The following ASIC2 variants were observed in gnomAD, a reference collection of about 807,000 sequenced individuals.
ASIC2 encodes the protein acid-sensing ion channel 2.
ASIC2 carries 25 observed loss-of-function variants against 57.3 expected under a neutral mutation model. That is an observed-to-expected ratio of 0.44 (90% CI 0.32 to 0.61). The LOEUF (loss-of-function observed/expected upper bound fraction) is 0.61, where lower values mean the gene tolerates loss of function less well. Among genes scored for constraint, ASIC2 ranks in the 20% least tolerant of loss-of-function variants. The pLI is 0.06. For missense variants in ASIC2, 641 were observed against 738.1 expected, an observed-to-expected ratio of 0.87 and a Z score of 1.52; for synonymous variants, 319 against 307.5, an observed-to-expected ratio of 1.04 and a Z score of -0.39.
At chr17:33,711,171 A>T (rs979916011) in intron 1 of ASIC2, among the ~76,000 whole-genome samples, 2 of 152,194 alleles carry the variant, frequency 1.3e-5, no homozygotes, top group African/African-American at 2.4e-5. Context: ...TTGAAGGTGC[A>T]GCGGGGCACC....
intron 1 of ASIC2, among the ~76,000 whole-genome samples, chr17:33,437,911 A>C (rs1293821851): frequency 6.6e-6 from 1 of 152,224 alleles, no homozygotes. Flanking sequence ...TGAAGAGATT[A>C]TCCAATGACT....
intron 1 of ASIC2, among the ~76,000 whole-genome samples, chr17:33,961,878 C>T (rs973864471): frequency 1.3e-4 from 20 of 152,142 alleles, no homozygotes; most frequent in Admixed American, 1.3e-4. Context: ...CAAACTGTAG[C>T]CCTGGGAAGA....
At chr17:33,861,258 A>G (rs1287640571) in intron 1 of ASIC2, among the ~76,000 whole-genome samples, 1 of 152,236 alleles carries the variant, frequency 6.6e-6, no homozygotes, top group Non-Finnish European at 1.5e-5. Context: ...GGAATTTCGA[A>G]TAACGTAGAA....
chr17:33,566,882 A>G (rs1319238118), intron 1 of ASIC2, among the ~76,000 whole-genome samples: 1 of 151,832 alleles, frequency 6.6e-6, no homozygotes, highest in Non-Finnish European at 1.5e-5. Context: ...ACTCCTCTAC[A>G]CATGCCACAT....
chr17:33,401,555 ACT>A (rs1378451362), intron 1 of ASIC2, among the ~76,000 whole-genome samples: 1 of 152,012 alleles, frequency 6.6e-6, no homozygotes, highest in African/African-American at 2.4e-5. Flanking sequence ...CTCAGCTCTA[ACT>A]CTGCAAGTTT....
chr17:33,964,166 C>T (rs1905007869), intron 1 of ASIC2, among the ~76,000 whole-genome samples: 1 of 152,208 alleles, frequency 6.6e-6, no homozygotes, highest in Non-Finnish European at 1.5e-5. Context: ...CATTGGCTGG[C>T]ATGAACGTGT....
chr17:33,809,770 A>G (rs938124427), intron 1 of ASIC2, among the ~76,000 whole-genome samples: 1 of 152,244 alleles, frequency 6.6e-6, no homozygotes, highest in East Asian at 1.9e-4. Context: ...AATTTTATTT[A>G]GTGCATGAAT....
chr17:33,532,376 A>G (rs1915079020), intron 1 of ASIC2, among the ~76,000 whole-genome samples: 1 of 152,238 alleles, frequency 6.6e-6, no homozygotes, highest in South Asian at 2.1e-4. Context: ...ACAAATAATT[A>G]TAAAATAAAA....
chr17:33,939,191 C>A (rs1813728586), intron 1 of ASIC2, among the ~76,000 whole-genome samples: 1 of 152,194 alleles, frequency 6.6e-6, no homozygotes, highest in African/African-American at 2.4e-5. Flanking sequence ...TATAAGCTTC[C>A]TTAAATATCA....
At chr17:33,330,657 C>T (rs63954) in intron 1 of ASIC2, among the ~76,000 whole-genome samples, 31,396 of 152,058 alleles carry the variant, frequency 0.21, 3,536 homozygotes, top group South Asian at 0.36. Context: ...CTCCTTTTTC[C>T]TATCCTTGCT....
At chr17:33,039,135 C>T (rs1156394181) in intron 3 of ASIC2, among the ~76,000 whole-genome samples, 4 of 152,214 alleles carry the variant, frequency 2.6e-5, no homozygotes, top group South Asian at 2.1e-4. Flanking sequence ...AGATATCCAC[C>T]TGGCTCACCT....
chr17:33,406,447 T>G (rs1218854766), intron 1 of ASIC2, among the ~76,000 whole-genome samples: 1 of 152,210 alleles, frequency 6.6e-6, no homozygotes, highest in Non-Finnish European at 1.5e-5. Context: ...AGGTTCTGAT[T>G]GCTCTTTCTT....
At chr17:33,620,500 A>G (rs1470875063) in intron 1 of ASIC2, among the ~76,000 whole-genome samples, 1 of 152,212 alleles carries the variant, frequency 6.6e-6, no homozygotes, top group East Asian at 1.9e-4. Flanking sequence ...TGCTTTGTGC[A>G]GTGTTTTCTG....
chr17:33,735,391 G>T (rs889470650), intron 1 of ASIC2, among the ~76,000 whole-genome samples: 1 of 152,138 alleles, frequency 6.6e-6, no homozygotes, highest in Non-Finnish European at 1.5e-5. Flanking sequence ...ATTAGGAAAG[G>T]TTCACTGTAT....
At chr17:33,804,631 C>T (rs999121732) in intron 1 of ASIC2, among the ~76,000 whole-genome samples, 8 of 152,186 alleles carry the variant, frequency 5.3e-5, no homozygotes, top group Non-Finnish European at 1.2e-4. Context: ...CACCTTTGAA[C>T]GATGCCTTTC....
chr17:33,704,193 G>T (rs1908793389), intron 1 of ASIC2, among the ~76,000 whole-genome samples: 1 of 152,190 alleles, frequency 6.6e-6, no homozygotes, highest in Non-Finnish European at 1.5e-5. Flanking sequence ...TTCTCCTGAA[G>T]AGAGCATGCA....
intron 1 of ASIC2, among the ~76,000 whole-genome samples, chr17:33,608,218 C>G (rs1905275964): frequency 6.6e-6 from 1 of 152,108 alleles, no homozygotes; most frequent in African/African-American, 2.4e-5. Context: ...TCTCCACGTT[C>G]CCATGAGAAG....
intron 1 of ASIC2, among the ~76,000 whole-genome samples, chr17:33,464,245 C>G (rs1264169744): frequency 6.6e-6 from 1 of 152,188 alleles, no homozygotes; most frequent in Non-Finnish European, 1.5e-5. Flanking sequence ...GAGGTGCTCC[C>G]TATTTCTGGC....
At chr17:34,066,366 T>C (rs1350985789) in intron 1 of ASIC2, among the ~76,000 whole-genome samples, 2 of 152,174 alleles carry the variant, frequency 1.3e-5, no homozygotes, top group African/African-American at 4.8e-5. Flanking sequence ...TCTTACAAAA[T>C]GCTGCTGCCT....
Sources: allele counts gnomAD v4.1 joint callset (sites outside exome capture counted in the v4.1 genomes callset), GRCh38; gene constraint gnomAD v4.1.1; transcripts MANE v1.5; gene names NCBI Gene and HGNC (gene_info 2026-07-23, HGNC 2026-07-21).